Variants in C2CD5 observed in about 807,000 individuals in gnomAD.
The protein encoded by C2CD5 is C2 calcium dependent domain containing 5.
C2CD5 carries 109 observed loss-of-function variants against 130.3 expected under a neutral mutation model. That is an observed-to-expected ratio of 0.84 (90% confidence interval 0.72 to 0.98). The LOEUF is 0.98. Among genes scored for constraint, C2CD5 ranks in the 50% least tolerant of loss-of-function variants. C2CD5 has a pLI of 0.00. For synonymous variants in C2CD5, 454 were observed against 429.2 expected (o/e 1.06, Z -0.71); for missense variants, 996 against 1,261.8 (o/e 0.79, Z 3.19).
intron 9 of C2CD5, among the ~76,000 whole-genome samples, chr12:22,507,766 AGAACATAATT>A (rs1321584657): frequency 6.6e-6 from 1 of 152,238 alleles, no homozygotes; most frequent in South Asian, 2.1e-4. Context: ...TCAGCTATTT[AGAACATAATT>A]GAGCATAATT....
At chr12:22,459,446 G>C in intron 23 of C2CD5, 46 bp downstream of exon 23, 1 of 1,297,156 alleles carries the variant, frequency 7.7e-7, no homozygotes, top group South Asian at 1.3e-5. Flanking sequence ...CACCAAACTA[G>C]AATTTTACAC....
At chr12:22,485,697 A>C (rs1335802908) in intron 12 of C2CD5, among the ~76,000 whole-genome samples, 2 of 152,166 alleles carry the variant, frequency 1.3e-5, no homozygotes, top group African/African-American at 4.8e-5. Flanking sequence ...ATCCAAAGCC[A>C]ATGTGTTATA....
intron 25 of C2CD5, among the ~76,000 whole-genome samples, chr12:22,454,354 T>C (rs1939346612): frequency 6.6e-6 from 1 of 152,182 alleles, no homozygotes; most frequent in Admixed American, 6.5e-5. Context: ...ATTCAAATTG[T>C]GCCTCCACCT....
At chr12:22,521,290 T>C (rs1322024572) in intron 7 of C2CD5, among the ~76,000 whole-genome samples, 3 of 152,236 alleles carry the variant, frequency 2.0e-5, no homozygotes, top group Non-Finnish European at 4.4e-5. Flanking sequence ...ATTAGTAAGA[T>C]GCCTTTTAGA....
intron 3 of C2CD5, among the ~76,000 whole-genome samples, chr12:22,533,074 G>A (rs1951462791): frequency 6.6e-6 from 1 of 152,160 alleles, no homozygotes; most frequent in African/African-American, 2.4e-5. Context: ...TGGGCGTTGA[G>A]GACATAGCAG....
chr12:22,478,188 G>A, intron 15 of C2CD5, 125 bp downstream of exon 15: 1 of 731,476 alleles, frequency 1.4e-6, no homozygotes, highest in Non-Finnish European at 2.4e-6. Flanking sequence ...AAAGGGAGGT[G>A]AAAGAATGAG....
chr12:22,531,751 C>T (rs745427388), intron 3 of C2CD5, among the ~76,000 whole-genome samples: 1 of 152,156 alleles, frequency 6.6e-6, no homozygotes, highest in Non-Finnish European at 1.5e-5. Flanking sequence ...CTGATGAGGT[C>T]GTAATTTTGA....
At chr12:22,541,923 G>A (rs894658683) in intron 2 of C2CD5, among the ~76,000 whole-genome samples, 16 of 152,138 alleles carry the variant, frequency 1.1e-4, no homozygotes, top group African/African-American at 1.4e-4. Context: ...AACTAGCCCA[G>A]AGCCTGGCAA....
At chr12:22,507,184 A>G (rs12310382) in intron 9 of C2CD5, among the ~76,000 whole-genome samples, 2 of 152,002 alleles carry the variant, frequency 1.3e-5, no homozygotes, top group East Asian at 3.9e-4. Context: ...CCCTTTATCT[A>G]TCAGTGGTTT....
At chr12:22,471,315 A>G in intron 20 of C2CD5, 84 bp downstream of exon 20, 2 of 798,294 alleles carry the variant, frequency 2.5e-6, no homozygotes. Flanking sequence ...TGTTTATTTA[A>G]TTACGGCAAA....
At chr12:22,530,101 TATATATATATAC>T (rs1335675401) in intron 3 of C2CD5, among the ~76,000 whole-genome samples, 8 of 114,398 alleles carry the variant, frequency 7.0e-5, no homozygotes, top group African/African-American at 1.9e-4. Flanking sequence ...TATATATATA[TATATATATATAC>T]ACACACACAC....
At chr12:22,512,530 G>A (rs537684136) in intron 9 of C2CD5, 64 of 716,274 alleles carry the variant, frequency 8.9e-5, no homozygotes, top group Non-Finnish European at 1.1e-4. Flanking sequence ...TTTGCATTAC[G>A]AAAAGAAAAA....
chr12:22,544,040 G>A lies in C2CD5; in HGVS notation c.90+21C>T, dbSNP rs749418307. 31 of 1,581,286 alleles carry A rather than the reference G, an allele frequency of 2.0e-5. No homozygotes were observed. The Middle Eastern group carries it at 6.6e-4, about 34-fold the overall frequency. ...GGGCTTGGCGCTCCCTGTGTTTTGA[G>A]GGGCAGGACCCTGCACCAACCTCCA... On this transcript the variant is annotated intron_variant, in intron 2 of 26. Coordinates refer to ENST00000446597, the MANE Select transcript of C2CD5 (RefSeq NM_001286176.2).
chr12:22,506,121 C>G (rs908632939), intron 10 of C2CD5, among the ~76,000 whole-genome samples: 2 of 152,090 alleles, frequency 1.3e-5, no homozygotes, highest in Non-Finnish European at 2.9e-5. Context: ...GTCTTTGACC[C>G]ATGGACTGGT....
intron 9 of C2CD5, among the ~76,000 whole-genome samples, chr12:22,509,240 A>T (rs1948927704): frequency 6.6e-6 from 1 of 152,240 alleles, no homozygotes; most frequent in Non-Finnish European, 1.5e-5. Context: ...GCTAAATGGA[A>T]GATAGTACTT....
At chr12:22,493,114 C>G (rs759418715) in intron 11 of C2CD5, 109 bp downstream of exon 11, 7 of 637,146 alleles carry the variant, frequency 1.1e-5, no homozygotes, top group Non-Finnish European at 1.6e-5. Context: ...AAGGCCCATG[C>G]TCCTGAACAC....
chr12:22,496,707 T>G (rs1488714344), intron 10 of C2CD5, among the ~76,000 whole-genome samples: 1 of 150,052 alleles, frequency 6.7e-6, no homozygotes, highest in African/African-American at 2.4e-5. Flanking sequence ...ATAAGTTTAA[T>G]ATACAAGTTA....
chr12:22,479,931 GTTA>G (rs1944458459), intron 14 of C2CD5, among the ~76,000 whole-genome samples: 1 of 152,078 alleles, frequency 6.6e-6, no homozygotes, highest in African/African-American at 2.4e-5. Flanking sequence ...CTAGATATTT[GTTA>G]TTATTATTTT....
intron 14 of C2CD5, among the ~76,000 whole-genome samples, chr12:22,480,412 CT>C (rs747753297): frequency 3.2e-4 from 49 of 152,148 alleles, no homozygotes; most frequent in Non-Finnish European, 6.0e-4. Flanking sequence ...CTCTTGAGAA[CT>C]TAGGATTTAA....
Sources: gnomAD v4.1 joint callset for allele counts (sites outside exome capture counted in the v4.1 genomes callset) on GRCh38, gnomAD v4.1.1 for gene constraint, MANE v1.5 for transcripts, NCBI Gene and HGNC (gene_info 2026-07-23, HGNC 2026-07-21) for gene names.